DNAH5: variants seen among roughly 807,000 people sequenced by gnomAD.
DNAH5 encodes the protein axonemal beta dynein heavy chain 5.
Under a neutral mutation model 518.2 loss-of-function variants are expected in DNAH5, and 372 were observed. The ratio of observed to expected loss-of-function variants is 0.72; its 90% confidence interval spans 0.66 to 0.78. The LOEUF is 0.78. DNAH5 is among the 30% of genes least tolerant of loss of function. The probability of loss-of-function intolerance (pLI) is 0.00; values close to 1 mark genes in which losing one functional copy is unlikely to be tolerated. For synonymous variants in DNAH5, 2,039 were observed against 2,025.9 expected, an observed-to-expected ratio of 1.01 and a Z score of -0.17; for missense variants, 5,523 against 5,687.0, an observed-to-expected ratio of 0.97 and a Z score of 0.93.
Position 13,841,350 on chromosome 5 carries a change from T to A in DNAH5, c.5485-220A>T, listed in dbSNP as rs2053683. ...CTCATTGTTTCCTGTATTTTAATGCTGAATCTATTTTTCTTTTTTTAGTAA... is the reference window on the plus strand; with the variant it reads ...CTCATTGTTTCCTGTATTTTAATGCAGAATCTATTTTTCTTTTTTTAGTAA... On this transcript the variant is annotated intron_variant, in intron 33 of 78. Transcript: ENST00000265104. 5.4e-3 allele frequency among the ~76,000 whole-genome samples: 818 copies of A among 152,060 alleles called. 12 individuals are homozygous for A. Among genetic ancestry groups the A allele is most frequent in the African/African-American group, 0.019 (781 of 41,454 alleles).
At chr5:13,733,249 C>G (rs918312622) in intron 68 of DNAH5, among the ~76,000 whole-genome samples, 1 of 152,198 alleles carries the variant, frequency 6.6e-6, no homozygotes, top group South Asian at 2.1e-4. Context: ...AAAGCCAACA[C>G]ATATTTTAAC....
At chr5:13,802,889 G>A (rs9312843) in intron 47 of DNAH5, among the ~76,000 whole-genome samples, 4,916 of 152,228 alleles carry the variant, frequency 0.032, 247 homozygotes, top group African/African-American at 0.11. Context: ...ATACAACCCA[G>A]AAATGAGAGT....
In DNAH5 at chr5:13,700,641, A is replaced by G; in HGVS notation, c.13722T>C (p.Asn4574=). Residue 4574 remains asparagine (N), a splice_region_variant and synonymous_variant, in exon 78 of 79, where the codon AAT becomes AAC. Transcript: ENST00000265104. ...TACTGAAGGTACAAGACAACTTACTATTGTTTTCTGCATAAATCCTTATGA... is the reference window on the plus strand; with the variant it reads ...TACTGAAGGTACAAGACAACTTACTGTTGTTTTCTGCATAAATCCTTATGA... ...MPVIRIYAEN[N]TLRDPRFYSC... 1 of 1,613,824 alleles carries G rather than the reference A, an allele frequency of 6.2e-7. No individual in the cohort carries two copies. Among genetic ancestry groups the G allele is most frequent in the Non-Finnish European group, 8.5e-7 (1 of 1,179,704 alleles).
chr5:13,872,908 T>C (rs1307980243), intron 22 of DNAH5, among the ~76,000 whole-genome samples: 1 of 152,092 alleles, frequency 6.6e-6, no homozygotes, highest in Non-Finnish European at 1.5e-5. Flanking sequence ...AGTGTTTGCA[T>C]GGACATACAG....
rs1198385839 is a variant in DNAH5, at chr5:13,882,719, A to T, written c.3262+9T>A. ...AATGCCTCTTTTAAAAGACTAAAAG[A>T]ACATTTACCTTGAAGTTCATTTTCT... On this transcript the variant is annotated intron_variant, in intron 21 of 78. Transcript: ENST00000265104. 6.2e-7 allele frequency: 1 copy of T among 1,604,630 alleles called. No homozygotes were observed. Among genetic ancestry groups the T allele is most frequent in the African/African-American group, 1.3e-5 (1 of 74,692 alleles).
intron 35 of DNAH5, among the ~76,000 whole-genome samples, chr5:13,838,378 C>G (rs1339973730): frequency 6.6e-6 from 1 of 152,192 alleles, no homozygotes; most frequent in Non-Finnish European, 1.5e-5. Flanking sequence ...GAAGCTTCAT[C>G]TCTATTTATA....
intron 59 of DNAH5, among the ~76,000 whole-genome samples, chr5:13,765,560 A>T (rs1017070741): frequency 6.6e-6 from 1 of 152,212 alleles, no homozygotes; most frequent in African/African-American, 2.4e-5. Flanking sequence ...ATAGGTATAT[A>T]CATATGTAAA....
rs1561504088 is a variant in DNAH5 at position 13,885,120 on chromosome 5, A to G, written c.2852T>C (p.Leu951Ser). Reference protein sequence around the residue: ...VTRKKKETEMLGEEARELLSH... With the variant: ...VTRKKKETEMSGEEARELLSH... ...GAGTAACTCGCGGGCTTCTTCCCCT[A>G]ACATCTCAGTTTCTTTCTTTTTCCT... Residue 951 changes from leucine (L) to serine (S), a missense_variant, in exon 19 of 79, where the codon TTA becomes TCA. Transcript: ENST00000265104. 6.2e-7 allele frequency: 1 copy of G among 1,614,224 alleles called. No homozygotes were observed. Among genetic ancestry groups the G allele is most frequent in the Non-Finnish European group, 8.5e-7 (1 of 1,180,036 alleles).
intron 1 of DNAH5, among the ~76,000 whole-genome samples, chr5:13,990,705 T>G (rs1159453082): frequency 2.0e-5 from 3 of 150,942 alleles, no homozygotes; most frequent in African/African-American, 7.3e-5. Context: ...CCATCTCTAC[T>G]AAAAACACAA....
chr5:13,736,074 G>A (rs1014468029), intron 66 of DNAH5, 142 bp from the exon 67 acceptor site: 6 of 681,702 alleles, frequency 8.8e-6, no homozygotes, highest in Admixed American at 2.3e-5. Flanking sequence ...GATACAAAGC[G>A]ATATTCATTT....
intron 29 of DNAH5, among the ~76,000 whole-genome samples, chr5:13,859,824 G>T (rs1040837919): frequency 6.6e-6 from 1 of 152,116 alleles, no homozygotes; most frequent in African/African-American, 2.4e-5. Context: ...ATAGAGAAGG[G>T]TGGGAGATTT....
At position 13,769,268 on chromosome 5, in the gene DNAH5, G is replaced by A; in HGVS notation, c.9721-132C>T. ...TGTTGTTTTTTTTTTTTTTTTTTGA[G>A]ATGGAGTCTCGCTCTGTCGCCCAGG... On this transcript the variant is annotated intron_variant, in intron 57 of 78. Transcript: ENST00000265104. 1.4e-5 allele frequency: 11 copies of A among 793,998 alleles called. No homozygotes were observed. In the South Asian group the frequency reaches 1.7e-4, roughly 12 times the overall value. 49.2% of individuals were successfully genotyped at this position (793,998 alleles called of 1,614,324 possible).
At chr5:13,887,842 G>T (rs146068141) in intron 17 of DNAH5, among the ~76,000 whole-genome samples, 1 of 152,044 alleles carries the variant, frequency 6.6e-6, no homozygotes, top group Non-Finnish European at 1.5e-5. Context: ...GCACACATAG[G>T]TCATGGTGAG....
At chr5:13,723,103 A>C (rs1279985157) in intron 70 of DNAH5, among the ~76,000 whole-genome samples, 1 of 152,214 alleles carries the variant, frequency 6.6e-6, no homozygotes, top group Admixed American at 6.5e-5. Flanking sequence ...AATTTGAGGC[A>C]CAGGATGCTA....
chr5:13,947,892 G>A (rs912656800), upstream of DNAH5, among the ~76,000 whole-genome samples: 7 of 152,202 alleles, frequency 4.6e-5, no homozygotes, highest in East Asian at 1.9e-4. Context: ...TTGTCTTCAC[G>A]CTTTACCATA....
Position 13,928,934 on chromosome 5 carries a change from A to G in DNAH5, c.193-756T>C, listed in dbSNP as rs866274685. Among the ~76,000 whole-genome samples, 5 of 152,174 alleles carry G rather than the reference A, an allele frequency of 3.3e-5. No homozygotes were observed. The South Asian group carries it at 1.0e-3, about 32-fold the overall frequency. ...GGAGCCGTTGTGGAAAACAGTATGA[A>G]GGCTCCTTAAAAAACTAAAAATAGA... On this transcript the variant is annotated intron_variant, in intron 2 of 78. Coordinates refer to ENST00000265104, the MANE Select transcript of DNAH5 (RefSeq NM_001369.3).
intron 53 of DNAH5, among the ~76,000 whole-genome samples, chr5:13,779,107 T>G (rs534145161): frequency 6.6e-6 from 1 of 152,356 alleles, no homozygotes; most frequent in East Asian, 1.9e-4. Flanking sequence ...GAGGTTTTTT[T>G]GAAGATCAAA....
At chr5:13,868,976 T>G (rs1388449211) in intron 24 of DNAH5, among the ~76,000 whole-genome samples, 1 of 152,184 alleles carries the variant, frequency 6.6e-6, no homozygotes, top group African/African-American at 2.4e-5. Flanking sequence ...CTTGTCTACT[T>G]GATTCTACTT....
intron 78 of DNAH5, among the ~76,000 whole-genome samples, chr5:13,700,256 C>T (rs1316120920): frequency 2.0e-5 from 3 of 152,186 alleles, no homozygotes; most frequent in Admixed American, 2.0e-4. Flanking sequence ...ATATATTCTT[C>T]AAAGCTCAGT....
Sources: gnomAD v4.1 joint callset for allele counts (sites outside exome capture counted in the v4.1 genomes callset) on GRCh38, gnomAD v4.1.1 for gene constraint, MANE v1.5 for transcripts, NCBI Gene and HGNC (gene_info 2026-07-23, HGNC 2026-07-21) for gene names.